Variants in MPP7 observed in about 807,000 individuals in gnomAD.
MPP7 encodes the protein MAGUK p55 scaffold protein 7.
MPP7 carries 60 observed loss-of-function variants against 76.5 expected under a neutral mutation model. The ratio of observed to expected loss-of-function variants is 0.78; its 90% confidence interval spans 0.64 to 0.97. The LOEUF (loss-of-function observed/expected upper bound fraction) is 0.97, where lower values mean the gene tolerates loss of function less well. Ranked by LOEUF, MPP7 falls within the 50% of genes least tolerant of loss-of-function variation. The pLI, the probability that MPP7 is intolerant of heterozygous loss-of-function variation, is 0.00. For missense variants in MPP7, 641 were observed against 694.0 expected (o/e 0.92, Z 0.86); for synonymous variants, 237 against 244.5 (o/e 0.97, Z 0.29).
intron 2 of MPP7, among the ~76,000 whole-genome samples, chr10:28,232,738 T>C (rs1004768835): frequency 2.0e-5 from 3 of 152,200 alleles, no homozygotes; most frequent in Non-Finnish European, 4.4e-5. Context: ...CTATGTCTTA[T>C]GTGTAGTCTG....
chr10:28,224,674 T>G (rs1838630395), intron 2 of MPP7, among the ~76,000 whole-genome samples: 1 of 152,198 alleles, frequency 6.6e-6, no homozygotes. Flanking sequence ...TAATTTTATA[T>G]GGCCCTTTTC....
intron 13 of MPP7, among the ~76,000 whole-genome samples, chr10:28,062,943 T>G (rs1448221907): frequency 6.6e-6 from 1 of 151,906 alleles, no homozygotes; most frequent in Non-Finnish European, 1.5e-5. Flanking sequence ...GCAAGGAACT[T>G]TTACATAGAA....
At chr10:28,222,428 G>A (rs1359383245) in intron 2 of MPP7, among the ~76,000 whole-genome samples, 2 of 152,012 alleles carry the variant, frequency 1.3e-5, no homozygotes, top group African/African-American at 2.4e-5. Context: ...AGGCTGCAGT[G>A]AGCCCTGATT....
intron 5 of MPP7, among the ~76,000 whole-genome samples, chr10:28,139,716 T>C (rs1835452798): frequency 6.6e-6 from 1 of 152,230 alleles, no homozygotes; most frequent in African/African-American, 2.4e-5. Context: ...AAAGACTTCG[T>C]ATTGTTGGCT....
intron 11 of MPP7, among the ~76,000 whole-genome samples, chr10:28,109,862 A>AAAAAC (rs1834444310): frequency 6.7e-6 from 1 of 149,514 alleles, no homozygotes; most frequent in East Asian, 1.9e-4. Flanking sequence ...AAAAAAAAAA[A>AAAAAC]AAAAAAAAAA....
intron 1 of MPP7, among the ~76,000 whole-genome samples, chr10:28,267,073 T>C (rs766280465): frequency 2.0e-5 from 3 of 152,198 alleles, no homozygotes; most frequent in Non-Finnish European, 4.4e-5. Context: ...GCCTAAAAAC[T>C]ACAGCAAGTT....
chr10:28,054,129 T>C lies in MPP7; in HGVS notation c.1667A>G (p.Lys556Arg), dbSNP rs766391846. Residue 556 changes from lysine to arginine, a missense_variant, in exon 17 of 17, where the codon AAA becomes AGA. By Grantham distance (26) the Lys-to-Arg change is conservative. Coordinates refer to ENST00000683449, the MANE Select transcript of MPP7 (RefSeq NM_001318170.2). Reference sequence around the variant, plus strand: ...TGTCTCTAATTTGTCAAAAGTTGTTTTGAGCTCATTGAATGCCACAGTGAG... The same window carrying C: ...TGTCTCTAATTTGTCAAAAGTTGTTCTGAGCTCATTGAATGCCACAGTGAG... ...DDLTVAFNEL[K>R]TTFDKLETET... 5 of 1,613,518 alleles carry C rather than the reference T, an allele frequency of 3.1e-6. No homozygotes were observed. Among genetic ancestry groups the C allele is most frequent in the African/African-American group, 1.3e-5 (1 of 74,944 alleles).
At position 28,120,178 on chromosome 10, in the gene MPP7, T is replaced by G; in HGVS notation, c.887+16A>C. The G allele has an allele frequency of 6.2e-7, 1 of 1,609,848 alleles. No individual in the cohort carries two copies. The highest frequency in any genetic ancestry group is 8.5e-7 in the Non-Finnish European group (1 of 1,178,094). On this transcript the variant is annotated intron_variant, in intron 10 of 16. Transcript: ENST00000683449. ...GTCAGCTGGAGAAAAGCCATTATTA[T>G]GTACCAGCAGCTCACCTTTCCTGGA...
At chr10:28,240,716 T>C (rs959456972) in intron 1 of MPP7, among the ~76,000 whole-genome samples, 5 of 152,228 alleles carry the variant, frequency 3.3e-5, no homozygotes, top group African/African-American at 1.2e-4. Flanking sequence ...TTCTAAAAAA[T>C]CAGTGTGATG....
chr10:28,069,861 C>G lies in MPP7; in HGVS notation c.1124-9G>C. On this transcript the variant is annotated splice_polypyrimidine_tract_variant and intron_variant, in intron 12 of 16. Transcript: ENST00000683449. ...CCCTACTCCCACGGGACCTGAAAAA[C>G]AGGGTAACAGAAATTCATTATTGGA... is the stretch of plus-strand genomic sequence containing the variant. 6.2e-7 allele frequency: 1 copy of G among 1,610,686 alleles called. No individual in the cohort carries two copies. The highest frequency in any genetic ancestry group is 2.2e-5 in the East Asian group (1 of 44,820).
intron 3 of MPP7, among the ~76,000 whole-genome samples, chr10:28,171,136 G>A (rs756938238): frequency 2.0e-5 from 3 of 152,046 alleles, no homozygotes; most frequent in Admixed American, 6.6e-5. Flanking sequence ...TGTCAGCATC[G>A]AGGGTACAGA....
At chr10:28,323,281 T>C (rs1327114025) in intron 2 of MPP7, among the ~76,000 whole-genome samples, 1 of 151,292 alleles carries the variant, frequency 6.6e-6, no homozygotes, top group Non-Finnish European at 1.5e-5. Flanking sequence ...CGACACTCCA[T>C]CTCAAAAAAA....
At position 28,291,714 on chromosome 10, in the gene MPP7, T is replaced by A. The variant is rs549368190; in HGVS notation, c.-132+11147A>T. 5.3e-4 allele frequency among the ~76,000 whole-genome samples: 80 copies of A among 152,306 alleles called. 1 individual carries two copies. Among genetic ancestry groups the A allele is most frequent in the East Asian group, 7.7e-4 (4 of 5,190 alleles). ...TGTCTTAGTTTTACATTTTAAAAAA[T>A]TTTTTTAATAAAAGAAAATATATTT... On this transcript the variant is annotated intron_variant, in intron 1 of 16. Coordinates refer to ENST00000683449, the MANE Select transcript of MPP7 (RefSeq NM_001318170.2).
In MPP7 at chr10:28,154,127, T is replaced by C. The variant is rs533175329; in HGVS notation, c.157-4068A>G. Among the ~76,000 whole-genome samples the C allele has an allele frequency of 3.3e-5, 5 of 152,286 alleles. No individual in the cohort carries two copies. The South Asian group carries it at 1.0e-3, about 32-fold the overall frequency. The stretch of plus-strand genomic sequence containing the variant: ...ACTTTACAATGTAGGACTTGGTGGA[T>C]AAAACTCTCAAATCCTAAGCCATGG... On this transcript the variant is annotated intron_variant, in intron 3 of 16. Transcript: ENST00000683449.
chr10:28,329,633 A>T (rs1315686322), intron 2 of MPP7, among the ~76,000 whole-genome samples: 1 of 40,254 alleles, frequency 2.5e-5, no homozygotes, highest in Non-Finnish European at 6.0e-5. Context: ...TCCGTCTCAA[A>T]AAAAAAAAAA....
At chr10:28,326,879 T>C (rs1460971579) in intron 2 of MPP7, among the ~76,000 whole-genome samples, 1 of 152,072 alleles carries the variant, frequency 6.6e-6, no homozygotes, top group Non-Finnish European at 1.5e-5. Context: ...TTAAATCCCA[T>C]AGACCAGAAA....
intron 2 of MPP7, among the ~76,000 whole-genome samples, chr10:28,215,637 C>T (rs1838285511): frequency 6.6e-6 from 1 of 152,126 alleles, no homozygotes; most frequent in Non-Finnish European, 1.5e-5. Flanking sequence ...TGCTTAGACT[C>T]TAGGCTCATG....
chr10:28,311,584 G>C (rs1841289656), intron 2 of MPP7, among the ~76,000 whole-genome samples: 1 of 152,070 alleles, frequency 6.6e-6, no homozygotes, highest in African/African-American at 2.4e-5. Flanking sequence ...ATGTCCATTT[G>C]ATTGAAATAT....
chr10:28,260,741 C>T (rs926660956), intron 1 of MPP7, among the ~76,000 whole-genome samples: 5 of 129,880 alleles, frequency 3.8e-5, no homozygotes, highest in Admixed American at 9.1e-5. Flanking sequence ...TGCTGCACTC[C>T]AGCTTGGGTA....
Sources: gnomAD v4.1 joint callset for allele counts (sites outside exome capture counted in the v4.1 genomes callset) on GRCh38, gnomAD v4.1.1 for gene constraint, MANE v1.5 for transcripts, NCBI Gene and HGNC (gene_info 2026-07-23, HGNC 2026-07-21) for gene names.